Variants in CCDC170 observed in about 807,000 individuals in gnomAD.
The protein encoded by CCDC170 is coiled-coil domain-containing protein 170.
Under a neutral mutation model 72.6 loss-of-function variants are expected in CCDC170, and 69 were observed. That is an observed-to-expected ratio of 0.95 (90% CI 0.78 to 1.16). The LOEUF is 1.16. CCDC170 is among the 50% of genes most tolerant of loss of function. The probability of loss-of-function intolerance (pLI) is 0.00; values close to 1 mark genes in which losing one functional copy is unlikely to be tolerated. For synonymous variants in CCDC170, 300 were observed against 303.9 expected (o/e 0.99, Z 0.13); for missense variants, 852 against 832.5 (o/e 1.02, Z -0.29).
chr6:151,568,947 G>A (rs1441684714), intron 5 of CCDC170, among the ~76,000 whole-genome samples: 5 of 152,126 alleles, frequency 3.3e-5, no homozygotes, highest in African/African-American at 9.7e-5. Context: ...CCTCAGGACT[G>A]GAACTTCAGG....
At chr6:151,568,856 A>G (rs192641477) in intron 5 of CCDC170, among the ~76,000 whole-genome samples, 34 of 152,310 alleles carry the variant, frequency 2.2e-4, no homozygotes, top group Non-Finnish European at 4.3e-4. Flanking sequence ...TTCATGTAGT[A>G]TGTTGTCTTT....
At position 151,502,535 on chromosome 6, in the gene CCDC170, G is replaced by A. The variant is rs190745608; in HGVS notation, c.57+8350G>A. Among the ~76,000 whole-genome samples, 497 of 152,272 alleles carry A rather than the reference G, an allele frequency of 3.3e-3. 2 individuals carry two copies. The highest frequency in any genetic ancestry group is 4.6e-3 in the Non-Finnish European group (315 of 68,022). ...CTAACCTCAATATCTGTGCAAGAAG[G>A]AACAATTTTAAGACTTGACTATAAT... On this transcript the variant is annotated intron_variant, in intron 1 of 10. Coordinates refer to ENST00000239374, the MANE Select transcript of CCDC170 (RefSeq NM_025059.4).
chr6:151,561,524 G>T (rs1300524693), intron 5 of CCDC170, among the ~76,000 whole-genome samples: 1 of 151,964 alleles, frequency 6.6e-6, no homozygotes, highest in Non-Finnish European at 1.5e-5. Flanking sequence ...TTTTTAGGAG[G>T]CTAAAAATAG....
At chr6:151,552,779 CTTTTTTTTTTTTTTTTT>C (rs71014597) in intron 5 of CCDC170, among the ~76,000 whole-genome samples, 2 of 56,708 alleles carry the variant, frequency 3.5e-5, no homozygotes, top group Non-Finnish European at 3.1e-5. Context: ...TCAGCCAATT[CTTTTTTTTTTTTTTTTT>C]TTTTTTTTTT....
chr6:151,548,123 T>A (rs1238348982), intron 4 of CCDC170, among the ~76,000 whole-genome samples, 181 bp from the exon 5 acceptor site: 1 of 152,228 alleles, frequency 6.6e-6, no homozygotes, highest in East Asian at 1.9e-4. Context: ...AATTTGAATT[T>A]GACCCCCAGG....
chr6:151,542,205 C>T (rs9478215), intron 3 of CCDC170, among the ~76,000 whole-genome samples: 15,282 of 151,080 alleles, frequency 0.1, 2,473 homozygotes, highest in African/African-American at 0.34. Flanking sequence ...TTTAAAAACT[C>T]ATTTAGTATA....
intron 9 of CCDC170, among the ~76,000 whole-genome samples, chr6:151,605,074 A>T (rs1776764119): frequency 6.6e-6 from 1 of 151,984 alleles, no homozygotes; most frequent in Admixed American, 6.6e-5. Flanking sequence ...GCCTCTAATA[A>T]CCACAATTCT....
chr6:151,607,002 T>TG (rs1269423479), intron 9 of CCDC170, among the ~76,000 whole-genome samples: 47 of 152,288 alleles, frequency 3.1e-4, no homozygotes, highest in Middle Eastern at 3.4e-3. Flanking sequence ...TCTTTACAGG[T>TG]GAAGTTGATT....
rs568917896 is a variant in CCDC170 at position 151,529,283 on chromosome 6, T to C, written c.58-7035T>C. 3.9e-5 allele frequency among the ~76,000 whole-genome samples: 6 copies of C among 152,322 alleles called. No individual in the cohort carries two copies. The South Asian group carries it at 1.2e-3, about 32-fold the overall frequency. ...TTACCTGTTGCATAGGATTCAATAG[T>C]ATAGAAATATTTTTATTTGATAATT... On this transcript the variant is annotated intron_variant, in intron 1 of 10. Transcript: ENST00000239374.
chr6:151,572,864 G>A (rs1213895417), intron 5 of CCDC170, among the ~76,000 whole-genome samples: 1 of 151,896 alleles, frequency 6.6e-6, no homozygotes, highest in African/African-American at 2.4e-5. Flanking sequence ...ATGTTGGCCA[G>A]GCTGGTCTTG....
At position 151,512,984 on chromosome 6, in the gene CCDC170, A is replaced by G. The variant is rs563789368; in HGVS notation, c.57+18799A>G. Among the ~76,000 whole-genome samples, 24 of 152,342 alleles carry G rather than the reference A, an allele frequency of 1.6e-4. No homozygotes were observed. In the East Asian group the frequency reaches 4.6e-3, roughly 29 times the overall value. ...TGTAAGTTGGTGCTATTTTCTATGC[A>G]ATGTGTATCAAAACAATTTTTATTT... On this transcript the variant is annotated intron_variant, in intron 1 of 10. Transcript: ENST00000239374.
intron 9 of CCDC170, among the ~76,000 whole-genome samples, chr6:151,599,392 C>T (rs546351962): frequency 3.9e-5 from 6 of 152,296 alleles, no homozygotes; most frequent in Non-Finnish European, 7.4e-5. Flanking sequence ...TACAACATTG[C>T]TTCTGATCAA....
At chr6:151,583,766 C>G (rs373488549) in intron 6 of CCDC170, among the ~76,000 whole-genome samples, 13 of 152,286 alleles carry the variant, frequency 8.5e-5, no homozygotes, top group East Asian at 5.8e-4. Context: ...CCTGACTCTT[C>G]CTTTCATTTG....
intron 5 of CCDC170, among the ~76,000 whole-genome samples, chr6:151,553,966 A>G (rs894486386): frequency 4.0e-5 from 6 of 150,830 alleles, no homozygotes; most frequent in Non-Finnish European, 8.8e-5. Flanking sequence ...AAGTAGCCAC[A>G]GGACTAGGGT....
intron 1 of CCDC170, among the ~76,000 whole-genome samples, chr6:151,534,019 C>T (rs1306259874): frequency 1.3e-5 from 2 of 152,060 alleles, no homozygotes; most frequent in Non-Finnish European, 2.9e-5. Flanking sequence ...TATCTTAATA[C>T]ACAGCTTCTT....
Position 151,540,373 on chromosome 6 carries a change from C to CTTTTTTTTTTTTTTTTTTTTTTT in CCDC170, c.443+2079_443+2101dup, listed in dbSNP as rs779650559. Reference sequence around the variant, plus strand: ...CCTCCTCCTCCTTCTTCTGCTGCTGCTTTTTTTTTTTTTTTTTTTTTTTTT... The same window carrying CTTTTTTTTTTTTTTTTTTTTTTT: ...CCTCCTCCTCCTTCTTCTGCTGCTGCTTTTTTTTTTTTTTTTTTTTTTTTTTTTTTTTTTTTTTTTTTTTTTTT... On this transcript the variant is annotated intron_variant, in intron 3 of 10. Transcript: ENST00000239374. Among the ~76,000 whole-genome samples, 9 of 37,982 alleles carry CTTTTTTTTTTTTTTTTTTTTTTT rather than the reference C, an allele frequency of 2.4e-4. 4 individuals are homozygous for CTTTTTTTTTTTTTTTTTTTTTTT. The highest frequency in any genetic ancestry group is 1.2e-3 in the Admixed American group (2 of 1,672). The allele number at this position is 37,982 out of a possible 152,430, so 24.9% of individuals were successfully genotyped here.
intron 9 of CCDC170, 87 bp downstream of exon 9, chr6:151,596,664 G>T: frequency 1.3e-6 from 2 of 1,514,530 alleles, no homozygotes; most frequent in African/African-American, 1.4e-5. Flanking sequence ...ATCGGGACAC[G>T]CCAGAAGAAG....
chr6:151,589,770 G>T (rs1472585073), intron 7 of CCDC170, among the ~76,000 whole-genome samples: 2 of 152,050 alleles, frequency 1.3e-5, no homozygotes, highest in South Asian at 2.1e-4. Flanking sequence ...GTTCTCTGGT[G>T]CCCCCAGGAT....
At chr6:151,522,732 A>C (rs1782341572) in intron 1 of CCDC170, among the ~76,000 whole-genome samples, 1 of 152,216 alleles carries the variant, frequency 6.6e-6, no homozygotes, top group Non-Finnish European at 1.5e-5. Flanking sequence ...CTGAGAATTA[A>C]AAAGAAAATG....
Sources: gnomAD v4.1 joint callset for allele counts (sites outside exome capture counted in the v4.1 genomes callset) on GRCh38, gnomAD v4.1.1 for gene constraint, MANE v1.5 for transcripts, NCBI Gene and HGNC (gene_info 2026-07-23, HGNC 2026-07-21) for gene names.